Variants in CA1 observed in about 807,000 individuals in gnomAD.
The protein encoded by CA1 is carbonic anhydrase 1, also known as carbonate dehydratase I.
Under a neutral mutation model 28.8 loss-of-function variants are expected in CA1, and 27 were observed. The observed-to-expected ratio is 0.94, with a 90% confidence interval of 0.69 to 1.29. The LOEUF (loss-of-function observed/expected upper bound fraction) is 1.29. Among genes scored for constraint, CA1 ranks in the 50% most tolerant of loss-of-function variants. CA1 has a pLI of 0.00. For synonymous variants in CA1, 121 were observed against 108.8 expected (o/e 1.11, Z -0.70); for missense variants, 335 against 310.5 (o/e 1.08, Z -0.59).
At chr8:85,354,706 T>C (rs557422650) in intron 1 of CA1, among the ~76,000 whole-genome samples, 1 of 152,272 alleles carries the variant, frequency 6.6e-6, no homozygotes, top group Admixed American at 6.5e-5. Flanking sequence ...AGCAGTCTCA[T>C]TGTCTTTATA....
chr8:85,368,749 T>C (rs1001445789), intron 1 of CA1, among the ~76,000 whole-genome samples: 3 of 152,094 alleles, frequency 2.0e-5, no homozygotes, highest in Non-Finnish European at 2.9e-5. Flanking sequence ...TAACTGTAAC[T>C]TTATACTATC....
chr8:85,363,007 G>A (rs1809857723), intron 1 of CA1, among the ~76,000 whole-genome samples: 2 of 152,266 alleles, frequency 1.3e-5, no homozygotes, highest in Non-Finnish European at 1.5e-5. Flanking sequence ...AAGAAAGTCA[G>A]GGTAATGTGA....
chr8:85,337,543 G>A (rs531369897), intron 3 of CA1, among the ~76,000 whole-genome samples: 1 of 152,056 alleles, frequency 6.6e-6, no homozygotes, highest in Non-Finnish European at 1.5e-5. Flanking sequence ...AGAATCCCTG[G>A]CCAGGGACCA....
In CA1 at chr8:85,371,607, G is replaced by T. The variant is rs142078119; in HGVS notation, c.-25+6439C>A. On this transcript the variant is annotated intron_variant, in intron 1 of 7. Coordinates refer to ENST00000523022, the MANE Select transcript of CA1 (RefSeq NM_001128831.4). ...CCAGAATCTTGTCAGCAGTAGTCAGGTAGGGTCCACCCAATACAAATATTT... is the reference window on the plus strand; with the variant it reads ...CCAGAATCTTGTCAGCAGTAGTCAGTTAGGGTCCACCCAATACAAATATTT... Among the ~76,000 whole-genome samples the T allele has an allele frequency of 3.8e-3, 576 of 152,294 alleles. 3 individuals are homozygous for T. Among genetic ancestry groups the T allele is most frequent in the Non-Finnish European group, 6.2e-3 (420 of 68,026 alleles).
At chr8:85,346,123 G>A (rs539630363) in intron 1 of CA1, among the ~76,000 whole-genome samples, 4 of 152,030 alleles carry the variant, frequency 2.6e-5, no homozygotes, top group South Asian at 2.1e-4. Context: ...AAAGACATTC[G>A]CAGTGTCTTA....
At chr8:85,337,256 A>G (rs1446821479) in intron 3 of CA1, 193 bp from the exon 4 acceptor site, 2 of 590,762 alleles carry the variant, frequency 3.4e-6, no homozygotes, top group African/African-American at 3.7e-5. Context: ...TGACTGTGGC[A>G]TTGATGAGCT....
At chr8:85,366,165 C>CTTTT in intron 1 of CA1, among the ~76,000 whole-genome samples, 1 of 128,270 alleles carries the variant, frequency 7.8e-6, no homozygotes, top group East Asian at 2.2e-4. Flanking sequence ...CTTTCTTCCC[C>CTTTT]TTTTTTTTTT....
At chr8:85,332,409 G>A (rs1030826463) in intron 6 of CA1, 81 bp downstream of exon 6, 1 of 1,177,644 alleles carries the variant, frequency 8.5e-7, no homozygotes, top group African/African-American at 1.5e-5. Context: ...CTACTCCCCA[G>A]TTTTAATACT....
intron 6 of CA1, among the ~76,000 whole-genome samples, chr8:85,330,642 C>A (rs1808359601): frequency 6.6e-6 from 1 of 152,024 alleles, no homozygotes; most frequent in Non-Finnish European, 1.5e-5. Context: ...AGACAGTTTT[C>A]TTTCATTTTG....
intron 6 of CA1, chr8:85,332,246 G>T (rs1808436779): frequency 5.0e-6 from 2 of 397,876 alleles, no homozygotes; most frequent in African/African-American, 2.0e-5. Context: ...ATGTAATCTG[G>T]TTTTCTACAG....
intron 1 of CA1, among the ~76,000 whole-genome samples, chr8:85,355,744 A>T (rs1397723742): frequency 6.6e-6 from 1 of 151,826 alleles, no homozygotes; most frequent in Non-Finnish European, 1.5e-5. Flanking sequence ...TTTTTATTTT[A>T]AAAAAGTGAT....
In CA1 at chr8:85,338,468, G is replaced by A. The variant is rs1298980517; in HGVS notation, c.38-19C>T. On this transcript the variant is annotated intron_variant, in intron 2 of 7. Coordinates refer to ENST00000523022, the MANE Select transcript of CA1 (RefSeq NM_001128831.4). ...TCAGGACCTACCAGGACAAACACGT[G>A]TAAAATCAATGTCTTATCAAATGCT... 6.2e-7 allele frequency: 1 copy of A among 1,605,154 alleles called. No individual in the cohort carries two copies. The highest frequency in any genetic ancestry group is 1.3e-5 in the African/African-American group (1 of 74,810).
chr8:85,333,885 G>C (rs893923598), intron 4 of CA1, among the ~76,000 whole-genome samples: 1 of 152,138 alleles, frequency 6.6e-6, no homozygotes, highest in African/African-American at 2.4e-5. Context: ...TCCTTTAAAT[G>C]TATCTCTCTT....
At chr8:85,353,110 G>C (rs1260891752) in intron 1 of CA1, among the ~76,000 whole-genome samples, 1 of 152,194 alleles carries the variant, frequency 6.6e-6, no homozygotes, top group Non-Finnish European at 1.5e-5. Flanking sequence ...TCAAAAATTT[G>C]AGGAGAAATA....
intron 6 of CA1, among the ~76,000 whole-genome samples, chr8:85,331,997 T>C (rs1042995259): frequency 3.3e-5 from 5 of 152,152 alleles, no homozygotes; most frequent in Non-Finnish European, 7.4e-5. Flanking sequence ...AAATCTCTGA[T>C]TTATGGTTTA....
intron 1 of CA1, among the ~76,000 whole-genome samples, chr8:85,375,532 A>G (rs1284069086): frequency 6.6e-6 from 1 of 150,838 alleles, no homozygotes; most frequent in Non-Finnish European, 1.5e-5. Context: ...AAAAAAAAAG[A>G]TTAGAACAAA....
At chr8:85,339,273 G>A (rs1247041887) in intron 2 of CA1, among the ~76,000 whole-genome samples, 4 of 152,064 alleles carry the variant, frequency 2.6e-5, no homozygotes, top group Admixed American at 6.6e-5. Context: ...TTTATTTCAC[G>A]TCTCTGTGTC....
intron 1 of CA1, among the ~76,000 whole-genome samples, chr8:85,352,219 C>T (rs1809439935): frequency 6.6e-6 from 1 of 152,106 alleles, no homozygotes; most frequent in African/African-American, 2.4e-5. Context: ...TGATCCATGG[C>T]TTCTTAGGGT....
At chr8:85,351,832 T>C (rs1388684427) in intron 1 of CA1, 1 of 152,232 alleles carries the variant, frequency 6.6e-6, no homozygotes, top group African/African-American at 2.4e-5. Context: ...AAGGCTGCTG[T>C]TGAAGTAATG....
Sources: gnomAD v4.1 joint callset for allele counts (sites outside exome capture counted in the v4.1 genomes callset) on GRCh38, gnomAD v4.1.1 for gene constraint, MANE v1.5 for transcripts, NCBI Gene and HGNC (gene_info 2026-07-23, HGNC 2026-07-21) for gene names.